Variants in MAGI2 observed in about 807,000 individuals in gnomAD.
The protein encoded by MAGI2 is membrane associated guanylate kinase, WW and PDZ domain containing 2.
Under a neutral mutation model 133.3 loss-of-function variants are expected in MAGI2, and 35 were observed. That is an observed-to-expected ratio of 0.26 (90% CI 0.20 to 0.35). The LOEUF is 0.35. MAGI2 is among the 10% of genes least tolerant of loss of function. MAGI2 has a pLI of 1.00. For synonymous variants in MAGI2, 729 were observed against 710.6 expected (o/e 1.03, Z -0.41); for missense variants, 1,636 against 1,863.4 (o/e 0.88, Z 2.25).
chr7:79,129,808 G>T (rs1416908638), intron 1 of MAGI2, among the ~76,000 whole-genome samples: 2 of 152,126 alleles, frequency 1.3e-5, no homozygotes, highest in Non-Finnish European at 2.9e-5. Context: ...AATGAAAGAG[G>T]TTTCAGAGCA....
chr7:78,256,402 T>C lies in MAGI2; in HGVS notation c.1588A>G (p.Met530Val). Reference sequence around the variant, plus strand: ...ACCATCACTGGAGGTGGCCTCTCCATTATTGCAAGGGGTGGCACCATGCTG... The same window carrying C: ...ACCATCACTGGAGGTGGCCTCTCCACTATTGCAAGGGGTGGCACCATGCTG... ...ANSMVPPLAIMERPPPVMVNG... is the reference protein window; with the variant it reads ...ANSMVPPLAIVERPPPVMVNG... The change falls in exon 10 of 22, where the codon ATG becomes GTG. Residue 530 changes from methionine (M) to valine (V), a missense_variant. Met to Val is a conservative substitution (Grantham distance 21). Around this residue, in one of 5 missense-constraint regions of MAGI2, gnomAD observed 920 missense variants for 1,093.5 expected, o/e 0.84. Transcript: ENST00000354212. The C allele has an allele frequency of 6.2e-7, 1 of 1,613,890 alleles. No individual in the cohort carries two copies. Among genetic ancestry groups the C allele is most frequent in the Non-Finnish European group, 8.5e-7 (1 of 1,179,952 alleles).
intron 1 of MAGI2, among the ~76,000 whole-genome samples, chr7:79,448,993 T>G (rs1205909601): frequency 6.6e-6 from 1 of 152,166 alleles, no homozygotes; most frequent in Non-Finnish European, 1.5e-5. Context: ...TTCAAAACAT[T>G]AATGGTACTT....
intron 1 of MAGI2, among the ~76,000 whole-genome samples, chr7:79,215,202 C>CA (rs1446987845): frequency 1.3e-5 from 2 of 151,864 alleles, no homozygotes; most frequent in Non-Finnish European, 2.9e-5. Context: ...TAAAGACTGA[C>CA]AAACAGACTC....
rs1047531864 is a variant in MAGI2, at chr7:79,007,163, T to A, written c.345A>T (p.Arg115=). The A allele has an allele frequency of 6.2e-6, 10 of 1,613,458 alleles. No homozygotes were observed. Among genetic ancestry groups the A allele is most frequent in the Non-Finnish European group, 8.5e-6 (10 of 1,179,688 alleles). The change falls in exon 2 of 22, where the codon CGA becomes CGT. Residue 115 remains arginine, a synonymous_variant. Transcript: ENST00000354212. ...DKDLRHYLNL[R]FQKGSVDHEL... ...CATGGTCCACAGAACCCTTTTGAAA[T>A]CGTAAGTTGAGGTAGTGACGAAGGT...
chr7:78,565,580 T>A (rs954069299), intron 3 of MAGI2, among the ~76,000 whole-genome samples: 4 of 152,196 alleles, frequency 2.6e-5, no homozygotes, highest in South Asian at 4.1e-4. Flanking sequence ...CAAATACTTT[T>A]AAAAAAATCA....
chr7:78,558,837 G>GTT lies in MAGI2; in HGVS notation c.539-37194_539-37193dup, dbSNP rs10691115. Among the ~76,000 whole-genome samples, 736 of 129,954 alleles carry GTT rather than the reference G, an allele frequency of 5.7e-3. 14 individuals are homozygous for GTT. Among genetic ancestry groups the GTT allele is most frequent in the East Asian group, 0.045 (198 of 4,398 alleles). 85.3% of individuals were successfully genotyped at this position (129,954 alleles called of 152,430 possible). A position where few individuals can be genotyped will look rare whatever the true frequency, so the allele number is the denominator to read the frequency against. ...CTAACAATGGATCCTTTGAGACACCGTTTTTTTTTTTTTTTTTTTCTTGCA... is the reference window on the plus strand; with the variant it reads ...CTAACAATGGATCCTTTGAGACACCGTTTTTTTTTTTTTTTTTTTTTCTTGCA... On this transcript the variant is annotated intron_variant, in intron 3 of 21. Coordinates refer to ENST00000354212, the MANE Select transcript of MAGI2 (RefSeq NM_012301.4).
chr7:79,439,715 A>G (rs537070490), intron 1 of MAGI2, among the ~76,000 whole-genome samples: 59 of 152,246 alleles, frequency 3.9e-4, no homozygotes, highest in African/African-American at 1.4e-3. Context: ...TTAATTTGCT[A>G]GAATATTTTT....
At chr7:78,533,871 G>C (rs1030486426) in intron 3 of MAGI2, among the ~76,000 whole-genome samples, 3 of 152,050 alleles carry the variant, frequency 2.0e-5, no homozygotes, top group Non-Finnish European at 4.4e-5. Context: ...TCAACCCAAG[G>C]ATCCAGGACA....
chr7:79,410,234 G>A (rs1846055733), intron 1 of MAGI2: 2 of 152,192 alleles, frequency 1.3e-5, no homozygotes, highest in African/African-American at 4.8e-5. Context: ...TATACTTAGT[G>A]AAAGCTGAAA....
intron 13 of MAGI2, 184 bp downstream of exon 13, chr7:78,185,445 G>A: frequency 4.7e-6 from 2 of 423,976 alleles, no homozygotes; most frequent in Non-Finnish European, 8.4e-6. Context: ...TTTGTCTTTT[G>A]TTGGCAGGCA....
intron 1 of MAGI2, among the ~76,000 whole-genome samples, chr7:79,321,603 G>C (rs988669934): frequency 6.6e-6 from 1 of 152,096 alleles, no homozygotes; most frequent in African/African-American, 2.4e-5. Context: ...AAATTTGTTT[G>C]CTTTCAGTTA....
In MAGI2 at chr7:78,168,080, C is replaced by A; in HGVS notation, c.2432G>T (p.Gly811Val). Reference protein sequence around the residue: ...PILIGAVIAMGSADRDGRLHP... With the variant: ...PILIGAVIAMVSADRDGRLHP... ...AAGGCGGCCATCTCTGTCGGCTGAG[C>A]CCATGGCAATGACAGCTCCAATCAA... Residue 811 changes from glycine (G) to valine (V), a missense_variant, in exon 15 of 22, where the codon GGC becomes GTC. By Grantham distance (109) the Gly-to-Val change is moderately radical. Coordinates refer to ENST00000354212, the MANE Select transcript of MAGI2 (RefSeq NM_012301.4). 2 of 1,614,068 alleles carry A rather than the reference C, an allele frequency of 1.2e-6. No homozygotes were observed. The highest frequency in any genetic ancestry group is 1.7e-6 in the Non-Finnish European group (2 of 1,179,984).
intron 1 of MAGI2, among the ~76,000 whole-genome samples, chr7:79,240,734 T>C (rs1832332357): frequency 6.6e-6 from 1 of 152,210 alleles, no homozygotes; most frequent in South Asian, 2.1e-4. Context: ...CATTATTAAA[T>C]TGTCCCGTGC....
chr7:79,431,014 C>A (rs1847740445), intron 1 of MAGI2, among the ~76,000 whole-genome samples: 1 of 152,114 alleles, frequency 6.6e-6, no homozygotes, highest in Admixed American at 6.6e-5. Flanking sequence ...CTTTTCTTTC[C>A]CTTTCTATAT....
chr7:78,785,080 T>C (rs978731897), intron 2 of MAGI2, among the ~76,000 whole-genome samples: 4 of 152,220 alleles, frequency 2.6e-5, no homozygotes, highest in Admixed American at 2.6e-4. Context: ...AACTATATGT[T>C]CACTAAACAA....
At chr7:78,982,017 C>T (rs546455988) in intron 2 of MAGI2, among the ~76,000 whole-genome samples, 1 of 151,896 alleles carries the variant, frequency 6.6e-6, no homozygotes, top group South Asian at 2.1e-4. Flanking sequence ...ACTTTACCTT[C>T]CCACCTCAGG....
chr7:79,091,737 T>C (rs1036980263), intron 1 of MAGI2, among the ~76,000 whole-genome samples: 4 of 151,974 alleles, frequency 2.6e-5, no homozygotes, highest in East Asian at 1.9e-4. Flanking sequence ...ACTCTGCCAC[T>C]GTAGCAGCCA....
At chr7:78,672,594 AT>A (rs1814525640) in intron 2 of MAGI2, among the ~76,000 whole-genome samples, 1 of 152,220 alleles carries the variant, frequency 6.6e-6, no homozygotes, top group African/African-American at 2.4e-5. Context: ...GAGACATGTA[AT>A]AACCATGATT....
Position 78,040,395 on chromosome 7 carries a change from C to T in MAGI2, c.3707-20419G>A. Among the ~76,000 whole-genome samples the T allele has an allele frequency of 1.3e-5, 2 of 152,204 alleles. 1 individual carries two copies. Among genetic ancestry groups the T allele is most frequent in the East Asian group, 3.9e-4 (2 of 5,168 alleles). ...CGCCCCCTGGCGGCCCCTGGTCGTGCCGCAGCCTCACATTCCCGCGGGTTC... is the reference window on the plus strand; with the variant it reads ...CGCCCCCTGGCGGCCCCTGGTCGTGTCGCAGCCTCACATTCCCGCGGGTTC... On this transcript the variant is annotated intron_variant, in intron 21 of 21. Coordinates refer to ENST00000354212, the MANE Select transcript of MAGI2 (RefSeq NM_012301.4).
Sources: allele counts gnomAD v4.1 joint callset (sites outside exome capture counted in the v4.1 genomes callset), GRCh38; gene constraint gnomAD v4.1.1; regional missense constraint gnomAD v4.1.1; transcripts MANE v1.5; gene names NCBI Gene and HGNC (gene_info 2026-07-23, HGNC 2026-07-21).